The following LDB2 variants were observed in gnomAD, a reference collection of about 807,000 sequenced individuals.
The protein encoded by LDB2 is LIM domain binding 2.
LDB2 carries 12 observed loss-of-function variants against 44.3 expected under a neutral mutation model. That is an observed-to-expected ratio of 0.27 (90% CI 0.17 to 0.44). The LOEUF is 0.44. LDB2 is among the 20% of genes least tolerant of loss of function. The probability of loss-of-function intolerance (pLI) is 1.00; values close to 1 mark genes in which losing one functional copy is unlikely to be tolerated. For synonymous variants in LDB2, 164 were observed against 174.8 expected (o/e 0.94, Z 0.49); for missense variants, 344 against 473.5 (o/e 0.73, Z 2.54).
chr4:16,542,922 C>G (rs1329754874), intron 5 of LDB2, among the ~76,000 whole-genome samples: 1 of 103,614 alleles, frequency 9.7e-6, no homozygotes, highest in African/African-American at 3.8e-5. Context: ...TATCCCTCCC[C>G]CCTCCCCCCA....
chr4:16,700,680 T>A (rs1306686403), intron 2 of LDB2, among the ~76,000 whole-genome samples: 2 of 152,174 alleles, frequency 1.3e-5, no homozygotes. Context: ...CTCTGACCAG[T>A]GTCCCCTTGT....
intron 2 of LDB2, among the ~76,000 whole-genome samples, chr4:16,666,897 C>T (rs183142793): frequency 1.4e-4 from 21 of 152,136 alleles, no homozygotes; most frequent in Admixed American, 4.6e-4. Context: ...AAGAAAAAGA[C>T]CTTATTCCCT....
At chr4:16,636,254 C>T (rs1052542666) in intron 2 of LDB2, among the ~76,000 whole-genome samples, 1 of 152,228 alleles carries the variant, frequency 6.6e-6, no homozygotes, top group Non-Finnish European at 1.5e-5. Context: ...CAGAGCTGAG[C>T]TTCCAGTCCA....
At chr4:16,590,979 G>T (rs1009453166) in intron 3 of LDB2, among the ~76,000 whole-genome samples, 1 of 152,188 alleles carries the variant, frequency 6.6e-6, no homozygotes, top group Non-Finnish European at 1.5e-5. Context: ...GTGTCGGCAT[G>T]ACAGAAGCCA....
chr4:16,640,356 T>G (rs954950988), intron 2 of LDB2, among the ~76,000 whole-genome samples: 1 of 152,176 alleles, frequency 6.6e-6, no homozygotes, highest in African/African-American at 2.4e-5. Flanking sequence ...CCTTAGATAG[T>G]TAGTGGATTA....
chr4:16,814,199 A>G (rs1436359745), intron 1 of LDB2, among the ~76,000 whole-genome samples: 1 of 152,086 alleles, frequency 6.6e-6, no homozygotes, highest in Non-Finnish European at 1.5e-5. Flanking sequence ...CAGCCCTGTG[A>G]TTTTGCTTCT....
chr4:16,830,216 G>A (rs1783815225), intron 1 of LDB2, among the ~76,000 whole-genome samples: 1 of 152,202 alleles, frequency 6.6e-6, no homozygotes, highest in African/African-American at 2.4e-5. Flanking sequence ...ATCCCCAGGT[G>A]TTGAGGGAGA....
chr4:16,644,639 A>G (rs896212333), intron 2 of LDB2, among the ~76,000 whole-genome samples: 51 of 152,158 alleles, frequency 3.4e-4, no homozygotes, highest in African/African-American at 1.2e-3. Context: ...CATGTTGGCC[A>G]GGCTAGTCTT....
In LDB2 at chr4:16,661,011, T is replaced by C. The variant is rs142528955; in HGVS notation, c.236-65136A>G. The stretch of plus-strand genomic sequence containing the variant: ...AGATTTAAATTTAATTCCCTGAGGA[T>C]TTGTCAATAGACTTTTGATTATAAA... On this transcript the variant is annotated intron_variant, in intron 2 of 7. Transcript: ENST00000304523. Among the ~76,000 whole-genome samples, 982 of 152,292 alleles carry C rather than the reference T, an allele frequency of 6.4e-3. 9 individuals are homozygous for C. Among genetic ancestry groups the C allele is most frequent in the South Asian group, 0.049 (237 of 4,822 alleles).
chr4:16,534,888 A>G (rs527615618), intron 5 of LDB2, among the ~76,000 whole-genome samples: 2 of 152,280 alleles, frequency 1.3e-5, no homozygotes, highest in Admixed American at 6.5e-5. Context: ...TCAGGACATC[A>G]CATCAGCATG....
rs1019912423 is a variant in LDB2 at position 16,840,559 on chromosome 4, G to A, written c.132+57795C>T. On this transcript the variant is annotated intron_variant, in intron 1 of 7. Coordinates refer to ENST00000304523, the MANE Select transcript of LDB2 (RefSeq NM_001290.5). ...TTAATAGCTTATCTACAGTACAGAA[G>A]TCGTTTGGGATCACTTGAGTGACAG... Among the ~76,000 whole-genome samples the A allele has an allele frequency of 2.0e-5, 3 of 152,300 alleles. No homozygotes were observed. The East Asian group carries it at 5.8e-4, about 29-fold the overall frequency.
At chr4:16,572,597 G>A (rs573982697) in intron 5 of LDB2, among the ~76,000 whole-genome samples, 1 of 151,966 alleles carries the variant, frequency 6.6e-6, no homozygotes, top group Non-Finnish European at 1.5e-5. Context: ...ATGTGTGTGT[G>A]TGTATTTTTT....
chr4:16,890,525 C>T (rs1248332552), intron 1 of LDB2, among the ~76,000 whole-genome samples: 2 of 152,118 alleles, frequency 1.3e-5, no homozygotes, highest in Non-Finnish European at 2.9e-5. Context: ...TAGGCTGGTC[C>T]AACGTGGTAC....
intron 1 of LDB2, among the ~76,000 whole-genome samples, chr4:16,863,825 T>C (rs978806544): frequency 1.1e-4 from 16 of 152,144 alleles, no homozygotes; most frequent in African/African-American, 3.9e-4. Context: ...CACGCCCGGC[T>C]AATTTTTTGT....
rs149146884 is a variant in LDB2, at chr4:16,573,664, A to G, written c.615+12258T>C. Among the ~76,000 whole-genome samples, 496 of 152,310 alleles carry G rather than the reference A, an allele frequency of 3.3e-3. 4 individuals are homozygous for G. Among genetic ancestry groups the G allele is most frequent in the African/African-American group, 0.011 (469 of 41,574 alleles). On this transcript the variant is annotated intron_variant, in intron 5 of 7. Coordinates refer to ENST00000304523, the MANE Select transcript of LDB2 (RefSeq NM_001290.5). ...GTATCCTGGGCATTGAGTGAGGCAT[A>G]GGAGATTTTCTGGTGTGGCTTCTGC...
At chr4:16,655,350 G>A (rs1739470206) in intron 2 of LDB2, among the ~76,000 whole-genome samples, 1 of 152,148 alleles carries the variant, frequency 6.6e-6, no homozygotes, top group South Asian at 2.1e-4. Flanking sequence ...CACGCTGATG[G>A]CAGGTCTGGA....
At chr4:16,687,347 T>C (rs367900063) in intron 2 of LDB2, among the ~76,000 whole-genome samples, 1 of 152,158 alleles carries the variant, frequency 6.6e-6, no homozygotes, top group Admixed American at 6.5e-5. Context: ...TTGCTCTCTC[T>C]CTCGCTCTCT....
intron 2 of LDB2, among the ~76,000 whole-genome samples, chr4:16,733,644 A>C (rs1344587150): frequency 6.6e-6 from 1 of 152,174 alleles, no homozygotes; most frequent in Admixed American, 6.5e-5. Context: ...GCCCTGGGTA[A>C]AAAGTCTTTG....
chr4:16,755,161 G>A (rs2671919), intron 2 of LDB2, among the ~76,000 whole-genome samples: 2 of 152,230 alleles, frequency 1.3e-5, no homozygotes, highest in African/African-American at 4.8e-5. Flanking sequence ...TCATAAGGCA[G>A]AAGAATAGTG....
Sources: gnomAD v4.1 joint callset for allele counts (sites outside exome capture counted in the v4.1 genomes callset) on GRCh38, gnomAD v4.1.1 for gene constraint, MANE v1.5 for transcripts, NCBI Gene and HGNC (gene_info 2026-07-23, HGNC 2026-07-21) for gene names.